Variants in FMNL2 observed in about 807,000 individuals in gnomAD.
FMNL2 encodes the protein formin like 2, also known as formin-like protein 2.
A neutral mutation model predicts 130.2 loss-of-function variants in FMNL2; 51 were observed. The ratio of observed to expected loss-of-function variants is 0.39; its 90% confidence interval spans 0.31 to 0.49. The LOEUF (loss-of-function observed/expected upper bound fraction) is 0.49, where lower values mean the gene tolerates loss of function less well. FMNL2 is among the 20% of genes least tolerant of loss of function. The pLI is 0.85. For missense variants in FMNL2, 977 were observed against 1,316.2 expected (o/e 0.74, Z 3.99); for synonymous variants, 465 against 467.1 (o/e 1.00, Z 0.06).
At chr2:152,407,684 GT>G (rs1686061114) in intron 1 of FMNL2, among the ~76,000 whole-genome samples, 1 of 152,146 alleles carries the variant, frequency 6.6e-6, no homozygotes, top group Non-Finnish European at 1.5e-5. Context: ...CCTCTTTCTG[GT>G]GTTCATAAAC....
intron 1 of FMNL2, among the ~76,000 whole-genome samples, chr2:152,457,371 ACTTCC>A (rs1689014204): frequency 1.3e-5 from 2 of 152,140 alleles, no homozygotes; most frequent in Non-Finnish European, 2.9e-5. Flanking sequence ...TTGCTCTAAG[ACTTCC>A]CTTGTTTTTC....
At chr2:152,429,266 G>A (rs1174962597) in intron 1 of FMNL2, among the ~76,000 whole-genome samples, 16 of 150,544 alleles carry the variant, frequency 1.1e-4, no homozygotes, top group South Asian at 2.1e-4. Flanking sequence ...AAGACAGCAC[G>A]CAGTGTCCGA....
intron 21 of FMNL2, among the ~76,000 whole-genome samples, chr2:152,633,099 CTTTT>C (rs767574977): frequency 1.4e-5 from 2 of 140,802 alleles, no homozygotes; most frequent in Non-Finnish European, 1.6e-5. Flanking sequence ...CTGTGCTCTT[CTTTT>C]TTTTTTTTTT....
intron 1 of FMNL2, among the ~76,000 whole-genome samples, chr2:152,416,028 C>CT (rs1032175725): frequency 3.0e-4 from 45 of 152,150 alleles, no homozygotes; most frequent in Admixed American, 2.9e-3. Flanking sequence ...GTTGGCCTCA[C>CT]TGAGTTTTGG....
chr2:152,556,432 C>T (rs950200564), intron 4 of FMNL2, among the ~76,000 whole-genome samples: 2 of 152,098 alleles, frequency 1.3e-5, no homozygotes, highest in Admixed American at 6.5e-5. Flanking sequence ...ACCTTTTACT[C>T]AGAAAATTGT....
At chr2:152,585,991 A>G (rs1697053177) in intron 9 of FMNL2, among the ~76,000 whole-genome samples, 1 of 151,742 alleles carries the variant, frequency 6.6e-6, no homozygotes, top group African/African-American at 2.4e-5. Flanking sequence ...TAGACTCTAC[A>G]GTGGAACAGC....
intron 6 of FMNL2, among the ~76,000 whole-genome samples, chr2:152,571,830 T>C (rs941611562): frequency 1.3e-5 from 2 of 152,242 alleles, no homozygotes; most frequent in African/African-American, 4.8e-5. Flanking sequence ...ATATACATTA[T>C]TTTATAGTTA....
chr2:152,417,714 C>T (rs1220652930), intron 1 of FMNL2, among the ~76,000 whole-genome samples: 1 of 152,198 alleles, frequency 6.6e-6, no homozygotes, highest in Non-Finnish European at 1.5e-5. Context: ...AACTCACCTC[C>T]TCTGTGCCTC....
At chr2:152,534,151 T>C (rs900911921) in intron 2 of FMNL2, among the ~76,000 whole-genome samples, 1 of 152,222 alleles carries the variant, frequency 6.6e-6, no homozygotes, top group Non-Finnish European at 1.5e-5. Context: ...GTAGGATGAT[T>C]AAGATCTGAT....
intron 1 of FMNL2, among the ~76,000 whole-genome samples, chr2:152,402,487 G>A (rs145844395): frequency 6.6e-6 from 1 of 152,254 alleles, no homozygotes; most frequent in Non-Finnish European, 1.5e-5. Context: ...CTTAACAGGA[G>A]CAAATTGAGA....
At chr2:152,455,834 C>T (rs1290640862) in intron 1 of FMNL2, among the ~76,000 whole-genome samples, 2 of 152,212 alleles carry the variant, frequency 1.3e-5, no homozygotes, top group Non-Finnish European at 2.9e-5. Flanking sequence ...CCCACCTCAG[C>T]CCCCTGAGTA....
intron 1 of FMNL2, among the ~76,000 whole-genome samples, chr2:152,360,850 A>G (rs1368542100): frequency 6.6e-6 from 1 of 152,212 alleles, no homozygotes; most frequent in Non-Finnish European, 1.5e-5. Flanking sequence ...TATTGAAGCA[A>G]CCTGGTCAGA....
chr2:152,408,124 T>C (rs1452612808), intron 1 of FMNL2, among the ~76,000 whole-genome samples: 1 of 152,198 alleles, frequency 6.6e-6, no homozygotes, highest in Non-Finnish European at 1.5e-5. Context: ...CAGAATAAGG[T>C]ACATATTTGA....
At position 152,559,687 on chromosome 2, in the gene FMNL2, C is replaced by T. The variant is rs149821972; in HGVS notation, c.443+864C>T. On this transcript the variant is annotated intron_variant, in intron 5 of 25. Transcript: ENST00000288670. ...GCTGAGAGGAACACACGCTGAATGG[C>T]GTGGGAGCTGTAGAGTAGCCTAGCG... Among the ~76,000 whole-genome samples the T allele has an allele frequency of 5.8e-3, 889 of 152,270 alleles. 9 individuals carry two copies. The highest frequency in any genetic ancestry group is 0.021 in the African/African-American group (853 of 41,540).
chr2:152,410,857 T>C (rs1346763193), intron 1 of FMNL2, among the ~76,000 whole-genome samples: 6 of 152,198 alleles, frequency 3.9e-5, no homozygotes, highest in Non-Finnish European at 7.3e-5. Flanking sequence ...CAGAGTGGCC[T>C]TACGGTAGCT....
At chr2:152,623,283 G>A (rs1315604506) in intron 15 of FMNL2, among the ~76,000 whole-genome samples, 4 of 152,172 alleles carry the variant, frequency 2.6e-5, no homozygotes, top group Admixed American at 6.5e-5. Flanking sequence ...TAACATTGCC[G>A]AAGTGCCAGA....
At chr2:152,630,034 T>C in intron 20 of FMNL2, 129 bp downstream of exon 20, 1 of 769,228 alleles carries the variant, frequency 1.3e-6, no homozygotes, top group East Asian at 2.7e-5. Context: ...ACTAATTTTC[T>C]GGAACACCAT....
intron 1 of FMNL2, among the ~76,000 whole-genome samples, chr2:152,368,287 T>G (rs1257914900): frequency 6.6e-6 from 1 of 152,194 alleles, no homozygotes; most frequent in Non-Finnish European, 1.5e-5. Context: ...TCTTTTAGCC[T>G]TTCATCCTTT....
intron 1 of FMNL2, among the ~76,000 whole-genome samples, chr2:152,337,323 C>T (rs1681530213): frequency 6.6e-6 from 1 of 151,890 alleles, no homozygotes; most frequent in South Asian, 2.1e-4. Flanking sequence ...ATGGTTCTTA[C>T]CTCCTGGCTC....
Sources: allele counts gnomAD v4.1 joint callset (sites outside exome capture counted in the v4.1 genomes callset), GRCh38; gene constraint gnomAD v4.1.1; transcripts MANE v1.5; gene names NCBI Gene and HGNC (gene_info 2026-07-23, HGNC 2026-07-21).